The following FNBP1L variants were observed in gnomAD, a reference collection of about 807,000 sequenced individuals.
FNBP1L encodes formin binding protein 1 like.
Under a neutral mutation model 91.2 loss-of-function variants are expected in FNBP1L, and 36 were observed. The ratio of observed to expected loss-of-function variants is 0.39; its 90% confidence interval spans 0.30 to 0.52. The LOEUF is 0.52. Ranked by LOEUF, FNBP1L falls within the 20% of genes least tolerant of loss-of-function variation. The pLI is 0.66. For synonymous variants in FNBP1L, 242 were observed against 237.0 expected (o/e 1.02, Z -0.19); for missense variants, 571 against 732.1 (o/e 0.78, Z 2.54).
At chr1:93,448,779 G>T (rs1409802151) in intron 1 of FNBP1L, among the ~76,000 whole-genome samples, 1 of 152,172 alleles carries the variant, frequency 6.6e-6, no homozygotes, top group Non-Finnish European at 1.5e-5. Context: ...CCAGGTCCGC[G>T]GGGCTAGGGC....
At chr1:93,475,806 AATT>A (rs1669474393) in intron 1 of FNBP1L, among the ~76,000 whole-genome samples, 1 of 152,206 alleles carries the variant, frequency 6.6e-6, no homozygotes, top group Non-Finnish European at 1.5e-5. Context: ...TAAGTATTTG[AATT>A]ATTCTGTTTA....
chr1:93,511,760 A>C (rs927754172), intron 2 of FNBP1L, among the ~76,000 whole-genome samples: 32 of 151,980 alleles, frequency 2.1e-4, no homozygotes, highest in African/African-American at 7.2e-4. Flanking sequence ...AGGTCAGGAG[A>C]TCGAGACCAT....
chr1:93,503,145 T>C (rs1670492293), intron 2 of FNBP1L, among the ~76,000 whole-genome samples: 1 of 152,204 alleles, frequency 6.6e-6, no homozygotes, highest in African/African-American at 2.4e-5. Flanking sequence ...CTGGGTAATT[T>C]ATAAGGGAAA....
chr1:93,486,242 C>T (rs1669897294), intron 1 of FNBP1L, among the ~76,000 whole-genome samples: 1 of 152,036 alleles, frequency 6.6e-6, no homozygotes, highest in Admixed American at 6.6e-5. Context: ...TGTTTGGTCT[C>T]ATATACCTTT....
At chr1:93,456,742 C>A (rs1668678853) in intron 1 of FNBP1L, among the ~76,000 whole-genome samples, 1 of 150,530 alleles carries the variant, frequency 6.6e-6, no homozygotes, top group African/African-American at 2.4e-5. Flanking sequence ...TCTGCCTCTG[C>A]ACTTTAGCTT....
intron 1 of FNBP1L, among the ~76,000 whole-genome samples, chr1:93,496,662 C>G (rs985064549): frequency 6.6e-6 from 1 of 152,078 alleles, no homozygotes; most frequent in Non-Finnish European, 1.5e-5. Context: ...CCTCGGCCTC[C>G]CAAAGTGCTA....
At chr1:93,468,540 C>G (rs1157907785) in intron 1 of FNBP1L, among the ~76,000 whole-genome samples, 1 of 152,186 alleles carries the variant, frequency 6.6e-6, no homozygotes, top group Non-Finnish European at 1.5e-5. Flanking sequence ...AAGCGATCCT[C>G]CCACCTCAGC....
chr1:93,510,172 C>T (rs1382467924), intron 2 of FNBP1L, among the ~76,000 whole-genome samples: 1 of 152,150 alleles, frequency 6.6e-6, no homozygotes, highest in African/African-American at 2.4e-5. Flanking sequence ...CACAGACAAA[C>T]AAAAAGCAGT....
intron 1 of FNBP1L, among the ~76,000 whole-genome samples, chr1:93,492,629 C>G (rs904450777): frequency 2.0e-5 from 3 of 152,026 alleles, no homozygotes; most frequent in Non-Finnish European, 4.4e-5. Flanking sequence ...GGGAGAATTG[C>G]TTGAGACTGG....
chr1:93,501,987 G>C (rs1670454108), intron 2 of FNBP1L, among the ~76,000 whole-genome samples: 1 of 152,020 alleles, frequency 6.6e-6, no homozygotes, highest in Non-Finnish European at 1.5e-5. Context: ...CCTGTCAGTA[G>C]AAGAATGATG....
At chr1:93,452,646 T>G (rs1036971142) in intron 1 of FNBP1L, among the ~76,000 whole-genome samples, 2 of 152,190 alleles carry the variant, frequency 1.3e-5, no homozygotes, top group South Asian at 2.1e-4. Context: ...CAGGCCAGTC[T>G]TGAACTCTGT....
intron 2 of FNBP1L, among the ~76,000 whole-genome samples, chr1:93,518,736 C>A (rs1030580328): frequency 1.3e-5 from 2 of 152,186 alleles, no homozygotes; most frequent in Non-Finnish European, 2.9e-5. Flanking sequence ...CCATAAGATT[C>A]ATTTGCTAAA....
chr1:93,500,437 T>C (rs1299834044), intron 2 of FNBP1L, among the ~76,000 whole-genome samples: 1 of 152,118 alleles, frequency 6.6e-6, no homozygotes, highest in Non-Finnish European at 1.5e-5. Context: ...TGGTCTTCTC[T>C]ATTGTACCTT....
intron 2 of FNBP1L, among the ~76,000 whole-genome samples, chr1:93,510,899 T>C (rs888828365): frequency 6.6e-6 from 1 of 151,952 alleles, no homozygotes; most frequent in African/African-American, 2.4e-5. Flanking sequence ...AAGGGAAGTT[T>C]AGAGAAAATA....
intron 16 of FNBP1L, chr1:93,551,850 C>T (rs1468026269): frequency 1.0e-6 from 1 of 985,164 alleles, no homozygotes; most frequent in African/African-American, 1.7e-5. Context: ...TAATCTCATA[C>T]TTTTGTATGT....
Position 93,524,321 on chromosome 1 carries a change from A to G in FNBP1L, c.403A>G (p.Asn135Asp). The G allele has an allele frequency of 6.7e-7, 1 of 1,499,696 alleles. No individual in the cohort carries two copies. Among genetic ancestry groups the G allele is most frequent in the Non-Finnish European group, 8.9e-7 (1 of 1,122,808 alleles). 92.9% of individuals were successfully genotyped at this position (1,499,696 alleles called of 1,614,324 possible). The change falls in exon 5 of 17, where the codon AAT becomes GAT. Residue 135 changes from asparagine to aspartate, a missense_variant and splice_region_variant. By Grantham distance (23) the Asn-to-Asp change is conservative (BLOSUM62 1). This residue lies in a region of FNBP1L where 220 missense variants were observed against 313.6 expected (regional missense o/e 0.70). Transcript: ENST00000271234. ...TGACATGTGCTGGAAACAGATGGAT[A>G]ATGTGAGTTATGACATTTTCATGGT... ...YLDMCWKQMDNSKKKFERECR... is the reference protein window; with the variant it reads ...YLDMCWKQMDDSKKKFERECR...
At chr1:93,500,911 G>A (rs1670424183) in intron 2 of FNBP1L, among the ~76,000 whole-genome samples, 1 of 152,132 alleles carries the variant, frequency 6.6e-6, no homozygotes, top group Admixed American at 6.5e-5. Flanking sequence ...TTTTCCACAT[G>A]AGAGTATAAA....
chr1:93,532,647 C>T (rs1671720625), intron 7 of FNBP1L, among the ~76,000 whole-genome samples: 1 of 151,832 alleles, frequency 6.6e-6, no homozygotes, highest in Non-Finnish European at 1.5e-5. Flanking sequence ...AGCTGATAGC[C>T]AGTAAGGGGT....
At chr1:93,492,757 C>G (rs555209120) in intron 1 of FNBP1L, among the ~76,000 whole-genome samples, 1 of 151,708 alleles carries the variant, frequency 6.6e-6, no homozygotes, top group East Asian at 2.0e-4. Flanking sequence ...CCACTACATT[C>G]CTGGGTGAAA....
Sources: allele counts gnomAD v4.1 joint callset (sites outside exome capture counted in the v4.1 genomes callset), GRCh38; gene constraint gnomAD v4.1.1; regional missense constraint gnomAD v4.1.1; transcripts MANE v1.5; gene names NCBI Gene and HGNC (gene_info 2026-07-23, HGNC 2026-07-21).